GPR39: variants seen among roughly 807,000 people sequenced by gnomAD.
GPR39 encodes the protein zinc sensing receptor.
A neutral mutation model predicts 18.4 loss-of-function variants in GPR39; 23 were observed. The ratio of observed to expected loss-of-function variants is 1.25; its 90% CI spans 0.90 to 1.77. GPR39 has a LOEUF of 1.77. Ranked by LOEUF, GPR39 falls within the 40% of genes most tolerant of loss-of-function variation. The pLI is 0.00. For synonymous variants in GPR39, 280 were observed against 257.9 expected, an observed-to-expected ratio of 1.09 and a Z score of -0.82; for missense variants, 647 against 602.4, an observed-to-expected ratio of 1.07 and a Z score of -0.78.
At chr2:132,606,581 T>C (rs184733198) in intron 1 of GPR39, among the ~76,000 whole-genome samples, 1 of 152,352 alleles carries the variant, frequency 6.6e-6, no homozygotes, top group Non-Finnish European at 1.5e-5. Flanking sequence ...GGGTGTGTAT[T>C]ACAGTGTGCT....
intron 1 of GPR39, among the ~76,000 whole-genome samples, chr2:132,435,943 A>G (rs1013884852): frequency 2.6e-5 from 4 of 152,214 alleles, no homozygotes; most frequent in Non-Finnish European, 5.9e-5. Flanking sequence ...ACAATAGAAA[A>G]ATGTTTTAAG....
intron 1 of GPR39, among the ~76,000 whole-genome samples, chr2:132,483,007 A>G (rs938185109): frequency 2.0e-5 from 3 of 152,174 alleles, no homozygotes; most frequent in African/African-American, 7.2e-5. Flanking sequence ...GAGTGCACGG[A>G]CCTGAGAGCC....
chr2:132,609,146 G>A (rs193282380), intron 1 of GPR39, among the ~76,000 whole-genome samples: 272 of 152,260 alleles, frequency 1.8e-3, no homozygotes, highest in Admixed American at 4.2e-3. Context: ...TTGTAGGTAC[G>A]CGGCCATGGG....
At chr2:132,417,980 A>G in intron 1 of GPR39, 82 bp downstream of exon 1, 1 of 1,489,902 alleles carries the variant, frequency 6.7e-7, no homozygotes, top group East Asian at 2.3e-5. Flanking sequence ...GGCCCTCTCC[A>G]GGGCAAGTCT....
chr2:132,609,902 A>G (rs1291351116), intron 1 of GPR39, among the ~76,000 whole-genome samples: 1 of 152,098 alleles, frequency 6.6e-6, no homozygotes, highest in Non-Finnish European at 1.5e-5. Context: ...GACTACAGCC[A>G]GCCTGACCTT....
chr2:132,417,336 C>A lies in GPR39; in HGVS notation c.294C>A (p.Pro98=). ...AGTTCTACAGCATCATCTGGAATCC[C>A]CTGACCACGTCCAGCTACACCCTGT... The part of the protein sequence containing the change: ...PMEFYSIIWN[P]LTTSSYTLSC... The change falls in exon 1 of 2, where the codon CCC becomes CCA. Residue 98 remains proline, a synonymous_variant. Transcript: ENST00000329321. The A allele has an allele frequency of 6.2e-7, 1 of 1,614,134 alleles. No homozygotes were observed. Among genetic ancestry groups the A allele is most frequent in the Non-Finnish European group, 8.5e-7 (1 of 1,180,012 alleles).
intron 1 of GPR39, among the ~76,000 whole-genome samples, chr2:132,441,210 A>G (rs1223616034): frequency 6.6e-6 from 1 of 152,162 alleles, no homozygotes; most frequent in Admixed American, 6.5e-5. Context: ...CTCCCAGAAC[A>G]GGAAATGAGA....
chr2:132,551,863 G>A (rs1390283934), intron 1 of GPR39, among the ~76,000 whole-genome samples: 1 of 152,140 alleles, frequency 6.6e-6, no homozygotes, highest in African/African-American at 2.4e-5. Flanking sequence ...AAGTCAAACG[G>A]CAAAACACAA....
At chr2:132,635,590 C>CA (rs1432519607) in intron 1 of GPR39, among the ~76,000 whole-genome samples, 1 of 151,358 alleles carries the variant, frequency 6.6e-6, no homozygotes, top group Non-Finnish European at 1.5e-5. Context: ...GTGGTCTCAG[C>CA]AAAAAAGCAG....
Position 132,612,526 on chromosome 2 carries a change from G to T in GPR39, c.857-32575G>T, listed in dbSNP as rs76996620. Among the ~76,000 whole-genome samples, 508 of 152,264 alleles carry T rather than the reference G, an allele frequency of 3.3e-3. 2 individuals carry two copies. The highest frequency in any genetic ancestry group is 6.8e-3 in the Middle Eastern group (2 of 294). ...TCCAGAATTGACTTTTGTGTATGGT[G>T]TCAGGTTAGGCACAAATTAATGTCT... is the stretch of plus-strand genomic sequence containing the variant. On this transcript the variant is annotated intron_variant, in intron 1 of 1. Coordinates refer to ENST00000329321, the MANE Select transcript of GPR39 (RefSeq NM_001508.3).
intron 1 of GPR39, among the ~76,000 whole-genome samples, chr2:132,507,983 A>G (rs1201363385): frequency 6.6e-6 from 1 of 152,118 alleles, no homozygotes; most frequent in East Asian, 1.9e-4. Flanking sequence ...GGTTGGTTGA[A>G]TCGTTGGCCA....
chr2:132,438,821 G>T (rs1264548195), intron 1 of GPR39, among the ~76,000 whole-genome samples: 1 of 152,136 alleles, frequency 6.6e-6, no homozygotes, highest in African/African-American at 2.4e-5. Flanking sequence ...AGGGTACACA[G>T]GGCCCAAGCC....
intron 1 of GPR39, among the ~76,000 whole-genome samples, chr2:132,634,045 T>C (rs931776296): frequency 2.0e-5 from 3 of 151,206 alleles, no homozygotes; most frequent in Non-Finnish European, 4.4e-5. Flanking sequence ...GTGGAGGTGA[T>C]GATGATGGTG....
At chr2:132,535,494 G>A (rs764857767) in intron 1 of GPR39, among the ~76,000 whole-genome samples, 9 of 152,140 alleles carry the variant, frequency 5.9e-5, no homozygotes, top group Non-Finnish European at 1.2e-4. Context: ...TCACATCGAT[G>A]TTCATCAGGG....
At chr2:132,622,463 G>A (rs890280350) in intron 1 of GPR39, among the ~76,000 whole-genome samples, 1 of 152,162 alleles carries the variant, frequency 6.6e-6, no homozygotes, top group African/African-American at 2.4e-5. Flanking sequence ...AGTGACCATG[G>A]ACCAGGGAAA....
intron 1 of GPR39, among the ~76,000 whole-genome samples, chr2:132,420,906 A>G (rs954614198): frequency 6.6e-6 from 1 of 152,214 alleles, no homozygotes; most frequent in Non-Finnish European, 1.5e-5. Context: ...TTACAGGAGA[A>G]CACAATAGTG....
intron 1 of GPR39, among the ~76,000 whole-genome samples, chr2:132,487,008 A>G (rs1294455250): frequency 6.6e-6 from 1 of 152,140 alleles, no homozygotes; most frequent in Non-Finnish European, 1.5e-5. Flanking sequence ...CATTTGATCA[A>G]TTAGAGGTCA....
intron 1 of GPR39, among the ~76,000 whole-genome samples, chr2:132,477,683 GT>G: frequency 6.6e-6 from 1 of 152,312 alleles, no homozygotes. Flanking sequence ...ATTGTGGGCT[GT>G]TTTTCTGTAG....
At chr2:132,420,010 T>G (rs1481779168) in intron 1 of GPR39, among the ~76,000 whole-genome samples, 1 of 152,234 alleles carries the variant, frequency 6.6e-6, no homozygotes, top group Non-Finnish European at 1.5e-5. Flanking sequence ...TGCCACAGAC[T>G]TTTATTTAGA....
Sources: gnomAD v4.1 joint callset for allele counts (sites outside exome capture counted in the v4.1 genomes callset) on GRCh38, gnomAD v4.1.1 for gene constraint, MANE v1.5 for transcripts, NCBI Gene and HGNC (gene_info 2026-07-23, HGNC 2026-07-21) for gene names.